RECQL4: variants seen among roughly 807,000 people sequenced by gnomAD.
The protein encoded by RECQL4 is ATP-dependent DNA helicase Q4.
RECQL4 carries 158 observed loss-of-function variants against 128.6 expected under a neutral mutation model. That is an observed-to-expected ratio of 1.23 (90% CI 1.08 to 1.40). The LOEUF (loss-of-function observed/expected upper bound fraction) is 1.40. RECQL4 is among the 40% of genes most tolerant of loss of function. The probability of loss-of-function intolerance (pLI) is 0.00; values close to 1 mark genes in which losing one functional copy is unlikely to be tolerated. For missense variants in RECQL4, 2,293 were observed against 1,649.8 expected (o/e 1.39, Z -6.75); for synonymous variants, 996 against 678.9 (o/e 1.47, Z -7.26).
At chr8:144,514,859 C>G in intron 9 of RECQL4, 77 bp downstream of exon 9, 1 of 1,541,190 alleles carries the variant, frequency 6.5e-7, no homozygotes. Flanking sequence ...GGTTAGGGGA[C>G]AAGCAGCAGT....
In RECQL4 at chr8:144,514,293, G is replaced by A. The variant is rs1235051312; in HGVS notation, c.1774C>T (p.Pro592Ser). The change falls in exon 11 of 21, where the codon CCA becomes TCA. Residue 592 changes from proline (P) to serine (S), a missense_variant. By Grantham distance (74) the Pro-to-Ser change is moderately conservative. Transcript: ENST00000617875. ...EALVGAGGLP[P>S]AAQLPPVAFA... The stretch of plus-strand genomic sequence containing the variant: ...GCAACTGGAGGCAGCTGTGCGGCTG[G>A]AGGGAGGCCTCCCGCCCCCACCAGT... The A allele has an allele frequency of 8.7e-6, 14 of 1,611,250 alleles. No homozygotes were observed. Among genetic ancestry groups the A allele is most frequent in the Non-Finnish European group, 1.1e-5 (13 of 1,179,368 alleles).
chr8:144,517,135 G>A lies in RECQL4; in HGVS notation c.269C>T (p.Pro90Leu), dbSNP rs758928559. 1 of 1,611,812 alleles carries A rather than the reference G, an allele frequency of 6.2e-7. No homozygotes were observed. Among genetic ancestry groups the A allele is most frequent in the Non-Finnish European group, 8.5e-7 (1 of 1,179,624 alleles). ...GCGGCTCCGCCCTGGCGTAGACTGT[G>A]GACTCTTGGTCGCAGCCCGATTCAG... ...PHLNRAATKS[P>L]QSTPGRSRQG... Residue 90 changes from proline (P) to leucine (L), a missense_variant, in exon 4 of 21, where the codon CCA (proline) becomes CTA (leucine). Pro to Leu is a moderately conservative substitution (Grantham distance 98). Coordinates refer to ENST00000617875, the MANE Select transcript of RECQL4 (RefSeq NM_004260.4).
Position 144,512,383 on chromosome 8 carries a change from G to A in RECQL4, c.3055+9C>T, listed in dbSNP as rs2130661528. On this transcript the variant is annotated intron_variant, in intron 17 of 20. Transcript: ENST00000617875. Reference sequence around the variant, plus strand: ...CGTCCAGGGCGGTGTGGGGTGGGGAGAGGCGCACCTGTCCTGGGCTCGTGG... The same window carrying A: ...CGTCCAGGGCGGTGTGGGGTGGGGAAAGGCGCACCTGTCCTGGGCTCGTGG... 1 of 1,607,424 alleles carries A rather than the reference G, an allele frequency of 6.2e-7. No homozygotes were observed. Among genetic ancestry groups the A allele is most frequent in the Non-Finnish European group, 8.5e-7 (1 of 1,176,164 alleles).
chr8:144,511,732 G>A lies in RECQL4; in HGVS notation c.3451C>T (p.Pro1151Ser), dbSNP rs1554895829. The change falls in exon 20 of 21, where the codon CCA (proline) becomes TCA (serine). Residue 1151 changes from proline to serine, a missense_variant. Coordinates refer to ENST00000617875, the MANE Select transcript of RECQL4 (RefSeq NM_004260.4). ...GCCCTGCTGGAGAACTTCTCCTCTG[G>A]CCTCAGGGACAGGAACTGGCGGATG... is the stretch of plus-strand genomic sequence containing the variant. ...CDIRQFLSLR[P>S]EEKFSSRAVA... 3 of 1,612,550 alleles carry A rather than the reference G, an allele frequency of 1.9e-6. No individual in the cohort carries two copies. The highest frequency in any genetic ancestry group is 2.5e-6 in the Non-Finnish European group (3 of 1,179,814).
rs1018200211 is a variant in RECQL4, at chr8:144,514,284, G to C, written c.1783C>G (p.Gln595Glu). 2 of 1,611,742 alleles carry C rather than the reference G, an allele frequency of 1.2e-6. No homozygotes were observed. The highest frequency in any genetic ancestry group is 2.7e-5 in the African/African-American group (2 of 75,020). The change falls in exon 11 of 21, where the codon CAG becomes GAG. Residue 595 changes from glutamine to glutamate, a missense_variant. Gln to Glu is a conservative substitution (Grantham distance 29, BLOSUM62 2). Coordinates refer to ENST00000617875, the MANE Select transcript of RECQL4 (RefSeq NM_004260.4). ...VGAGGLPPAA[Q>E]LPPVAFACID... ...CAGGCAAAAGCAACTGGAGGCAGCT[G>C]TGCGGCTGGAGGGAGGCCTCCCGCC...
In RECQL4 at chr8:144,513,628, GCT is replaced by G. The variant is rs746222099; in HGVS notation, c.2141_2142del (p.Glu714AlafsTer94). On this transcript the variant is annotated frameshift_variant, in exon 13 of 21. Coordinates refer to ENST00000617875, the MANE Select transcript of RECQL4 (RefSeq NM_004260.4). LOFTEE classifies it high-confidence loss of function. ...CAGGTTCGGAGGAGCGCAGCGATCC[GCT>G]CTGTGTCCTCGCGCCGGTTGCAGTA... Reference protein sequence around the residue: ...IIYCNRREDTERIAALLRTCL... With the variant: ...IIYCNRREDTXRIAALLRTCL... 1.3e-6 allele frequency: 2 copies of G among 1,599,956 alleles called. No individual in the cohort carries two copies. Among genetic ancestry groups the G allele is most frequent in the Non-Finnish European group, 1.7e-6 (2 of 1,173,872 alleles).
At chr8:144,514,734 C>T (rs1827899935) in intron 9 of RECQL4, among the ~76,000 whole-genome samples, 2 of 152,208 alleles carry the variant, frequency 1.3e-5, no homozygotes, top group African/African-American at 4.8e-5. Flanking sequence ...GGCTCCTTTC[C>T]CAGCACATTT....
rs948170935 is a variant in RECQL4 at position 144,514,668 on chromosome 8, AGCCACCTGTGG to A, written c.1621-154_1621-144del. 6 of 954,388 alleles carry A rather than the reference AGCCACCTGTGG, an allele frequency of 6.3e-6. No individual in the cohort carries two copies. In the African/African-American group the frequency reaches 8.3e-5, roughly 13 times the overall value. 59.1% of individuals were successfully genotyped at this position (954,388 alleles called of 1,614,324 possible). On this transcript the variant is annotated intron_variant, in intron 9 of 20. Transcript: ENST00000617875. Reference sequence around the variant, plus strand: ...CTGGGTCCTAGGGCTAAGGGTTTAGAGCCACCTGTGGGCCTTGGCCCAGGAGCCCCAGAGCA... The same window carrying A: ...CTGGGTCCTAGGGCTAAGGGTTTAGAGCCTTGGCCCAGGAGCCCCAGAGCA...
rs768486146 is a variant in RECQL4, at chr8:144,516,477, T to C, written c.642A>G (p.Ser214=). 3.1e-6 allele frequency: 5 copies of C among 1,608,626 alleles called. No individual in the cohort carries two copies. The Admixed American group carries it at 8.3e-5, about 27-fold the overall frequency. ...CAGGGATCAGAAGTTGTGATTCCTC[T>C]GAGCCTAGATCAGGCCTGCAGGCTT... is the stretch of plus-strand genomic sequence containing the variant. The part of the protein sequence containing the change: ...APKACRPDLG[S]EESQLLIPGE... The change falls in exon 5 of 21, where the codon TCA becomes TCG. Residue 214 remains serine, a synonymous_variant. Coordinates refer to ENST00000617875, the MANE Select transcript of RECQL4 (RefSeq NM_004260.4).
intron 11 of RECQL4, 30 bp downstream of exon 11, chr8:144,514,159 G>A (rs2130693762): frequency 6.2e-7 from 1 of 1,611,748 alleles, no homozygotes; most frequent in Non-Finnish European, 8.5e-7. Context: ...CCCGGCCCTG[G>A]CCGCCCACCC....
At position 144,513,176 on chromosome 8, in the gene RECQL4, G is replaced by A. The variant is rs961402753; in HGVS notation, c.2464-38C>T. ...TTTCATGAGGGTGGGGTGGACCACT[G>A]GGGGCTCGAGCACTGGCAGTGTGGG... On this transcript the variant is annotated intron_variant, in intron 14 of 20. Coordinates refer to ENST00000617875, the MANE Select transcript of RECQL4 (RefSeq NM_004260.4). 5 of 1,484,722 alleles carry A rather than the reference G, an allele frequency of 3.4e-6. No individual in the cohort carries two copies. In the African/African-American group the frequency reaches 6.9e-5, roughly 21 times the overall value. 92.0% of individuals were successfully genotyped at this position (1,484,722 alleles called of 1,614,324 possible).
In RECQL4 at chr8:144,512,432, C is replaced by T. The variant is rs1294879934; in HGVS notation, c.3015G>A (p.Arg1005=). Reference sequence around the variant, plus strand: ...GGTCCCACTGCAGCTGGCAGAGAGCCCGCCGCACAGAGGCCAGCTCCCAGC... The same window carrying T: ...GGTCCCACTGCAGCTGGCAGAGAGCTCGCCGCACAGAGGCCAGCTCCCAGC... ...SMGWELASVR[R]ALCQLQWDHE... The change falls in exon 17 of 21, where the codon CGG becomes CGA. Residue 1005 remains arginine, a synonymous_variant. Transcript: ENST00000617875. 6.2e-7 allele frequency: 1 copy of T among 1,609,622 alleles called. No homozygotes were observed. Among genetic ancestry groups the T allele is most frequent in the Non-Finnish European group, 8.5e-7 (1 of 1,177,922 alleles).
At position 144,517,817 on chromosome 8, in the gene RECQL4, G is replaced by T; in HGVS notation, c.-33C>A. The T allele has an allele frequency of 8.4e-7, 1 of 1,194,404 alleles. No individual in the cohort carries two copies. Among genetic ancestry groups the T allele is most frequent in the Non-Finnish European group, 1.0e-6 (1 of 962,148 alleles). 74.0% of individuals were successfully genotyped at this position (1,194,404 alleles called of 1,614,324 possible). ...GCGCCCGCCCGGCCTCCGCGCTTGC[G>T]ATCGTCCAGCGAATCTCCCGCGCAG... On this transcript the variant is annotated 5_prime_UTR_variant, in exon 1 of 21. Transcript: ENST00000617875.
rs773856131 is a variant in RECQL4 at position 144,512,168 on chromosome 8, C to T, written c.3212G>A (p.Arg1071His). 118 of 1,610,606 alleles carry T rather than the reference C, an allele frequency of 7.3e-5. No individual in the cohort carries two copies. Among genetic ancestry groups the T allele is most frequent in the Non-Finnish European group, 9.2e-5 (109 of 1,179,110 alleles). Reference protein sequence around the residue: ...ARERQALARLRRTFQAFHSVA... With the variant: ...ARERQALARLHRTFQAFHSVA... ...CCTGTGAAAGGCCTGGAAGGTTCTG[C>T]GCAGACGGGCCAGGGCCTGGCGCTC... Residue 1071 changes from arginine (R) to histidine (H), a missense_variant, in exon 18 of 21, where the codon CGC (arginine) becomes CAC (histidine). Arg to His is a conservative substitution (Grantham distance 29). Coordinates refer to ENST00000617875, the MANE Select transcript of RECQL4 (RefSeq NM_004260.4).
chr8:144,517,297 T>C, intron 3 of RECQL4, 107 bp from the exon 4 acceptor site: 1 of 1,493,872 alleles, frequency 6.7e-7, no homozygotes, highest in Non-Finnish European at 8.9e-7. Flanking sequence ...TTCTTCACTT[T>C]GCCCAGTCCC....
Position 144,515,798 on chromosome 8 carries a change from C to T in RECQL4, c.1224G>A (p.Gln408=), listed in dbSNP as rs2130712511. 6.2e-7 allele frequency: 1 copy of T among 1,612,736 alleles called. No individual in the cohort carries two copies. The highest frequency in any genetic ancestry group is 1.1e-5 in the South Asian group (1 of 90,992). Residue 408 remains glutamine, a synonymous_variant, in exon 6 of 21, where the codon CAG becomes CAA. Transcript: ENST00000617875. ...TTKESCFLNE[Q]FDHWAAQCPR... Reference sequence around the variant, plus strand: ...GACACTGGGCTGCCCAGTGATCGAACTGCTCGTTCAGGAAACAAGACTCCT... The same window carrying T: ...GACACTGGGCTGCCCAGTGATCGAATTGCTCGTTCAGGAAACAAGACTCCT...
Position 144,517,455 on chromosome 8 carries a change from C to G in RECQL4, c.172G>C (p.Gly58Arg). The change falls in exon 3 of 21, where the codon GGG (glycine) becomes CGG (arginine). Residue 58 changes from glycine to arginine, a missense_variant. Gly to Arg is a moderately radical substitution (Grantham distance 125). Transcript: ENST00000617875. The part of the protein sequence containing the change: ...LKRTTGQAGG[G>R]LRSSESLPAA... ...GGGAGCGACTCGGAGCTGCGGAGCC[C>G]GCCGCCGGCCTGGCCCGTGGTACGC... 1 of 1,594,176 alleles carries G rather than the reference C, an allele frequency of 6.3e-7. No homozygotes were observed. Among genetic ancestry groups the G allele is most frequent in the Non-Finnish European group, 8.5e-7 (1 of 1,175,078 alleles).
Position 144,512,626 on chromosome 8 carries a change from G to A in RECQL4, c.2885+16C>T. On this transcript the variant is annotated intron_variant, in intron 16 of 20. Coordinates refer to ENST00000617875, the MANE Select transcript of RECQL4 (RefSeq NM_004260.4). ...GATTCTCCAACCTCGTCTCCAACTGGGCAGGGCGTGCTTACCTGTGGGCCA... is the reference window on the plus strand; with the variant it reads ...GATTCTCCAACCTCGTCTCCAACTGAGCAGGGCGTGCTTACCTGTGGGCCA... The A allele has an allele frequency of 6.2e-7, 1 of 1,611,848 alleles. No individual in the cohort carries two copies. Among genetic ancestry groups the A allele is most frequent in the South Asian group, 1.1e-5 (1 of 91,068 alleles).
intron 16 of RECQL4, 35 bp from the exon 17 acceptor site, chr8:144,512,596 G>C: frequency 6.2e-7 from 1 of 1,611,946 alleles, no homozygotes; most frequent in Non-Finnish European, 8.5e-7. Flanking sequence ...GTGGCCAACA[G>C]CCCTGATTCT....
Sources: gnomAD v4.1 joint callset for allele counts (sites outside exome capture counted in the v4.1 genomes callset) on GRCh38, gnomAD v4.1.1 for gene constraint, MANE v1.5 for transcripts, NCBI Gene and HGNC (gene_info 2026-07-23, HGNC 2026-07-21) for gene names.